The following DNMBP variants were observed in gnomAD, a reference collection of about 807,000 sequenced individuals.
DNMBP encodes the protein dynamin-binding protein.
In DNMBP, 87 loss-of-function variants were observed where a neutral mutation model predicts 150.0. The observed-to-expected ratio is 0.58, with a 90% CI of 0.49 to 0.69. The LOEUF (loss-of-function observed/expected upper bound fraction) is 0.69. Among genes scored for constraint, DNMBP ranks in the 30% least tolerant of loss-of-function variants. DNMBP has a pLI of 0.00. For synonymous variants in DNMBP, 711 were observed against 750.4 expected (o/e 0.95, Z 0.86); for missense variants, 1,774 against 1,949.0 (o/e 0.91, Z 1.69).
At chr10:99,991,680 G>A (rs1457335332) in intron 1 of DNMBP, among the ~76,000 whole-genome samples, 1 of 151,726 alleles carries the variant, frequency 6.6e-6, no homozygotes, top group East Asian at 2.0e-4. Context: ...GCCAAGGCAG[G>A]CGGATCACAA....
chr10:99,964,135 C>CTTTTTTTTTTTTTTTTTT (rs895801002), intron 3 of DNMBP, among the ~76,000 whole-genome samples: 1 of 87,236 alleles, frequency 1.1e-5, no homozygotes, highest in African/African-American at 4.9e-5. Flanking sequence ...TATTCTCTCT[C>CTTTTTTTTTTTTTTTTTT]TTTTTTTTTT....
intron 4 of DNMBP, among the ~76,000 whole-genome samples, chr10:99,920,880 A>G (rs2040015217): frequency 6.6e-6 from 1 of 152,014 alleles, no homozygotes; most frequent in Non-Finnish European, 1.5e-5. Flanking sequence ...GGGTCTCACT[A>G]TGTTGCTCAG....
chr10:99,877,245 T>C lies in DNMBP; in HGVS notation c.4640A>G (p.Asp1547Gly), dbSNP rs1442459752. The part of the protein sequence containing the change: ...NQKLKILEFK[D>G]VTGNTEWWLA... ...CCACCACTCTGTATTTCCTGTAACA[T>C]CTTTAAACTCGAGGATCTTGAGTTT... Residue 1547 changes from aspartate (D) to glycine (G), a missense_variant, in exon 17 of 17, where the codon GAT (aspartate) becomes GGT (glycine). Around this residue, in one of 2 missense-constraint regions of DNMBP, gnomAD observed 1,430 missense variants for 1,492.5 expected, o/e 0.96. Coordinates refer to ENST00000324109, the MANE Select transcript of DNMBP (RefSeq NM_015221.4). 6 of 1,613,950 alleles carry C rather than the reference T, an allele frequency of 3.7e-6. No homozygotes were observed. The highest frequency in any genetic ancestry group is 5.1e-6 in the Non-Finnish European group (6 of 1,179,990).
At chr10:100,000,015 G>A (rs769285105) in intron 1 of DNMBP, among the ~76,000 whole-genome samples, 1 of 152,164 alleles carries the variant, frequency 6.6e-6, no homozygotes, top group Non-Finnish European at 1.5e-5. Context: ...CCATTATGGT[G>A]TATTTGTGGC....
chr10:99,998,963 T>C (rs1189133908), intron 1 of DNMBP, among the ~76,000 whole-genome samples: 3 of 152,226 alleles, frequency 2.0e-5, no homozygotes, highest in Admixed American at 1.3e-4. Flanking sequence ...ATGAAAAGGA[T>C]TGAAAAGTCA....
At chr10:100,008,276 G>T (rs1454444075) in intron 1 of DNMBP, among the ~76,000 whole-genome samples, 2 of 152,192 alleles carry the variant, frequency 1.3e-5, no homozygotes, top group Non-Finnish European at 2.9e-5. Context: ...CGTTTATGAA[G>T]ATTATTATTA....
At chr10:99,911,724 A>T (rs1231858162) in intron 4 of DNMBP, among the ~76,000 whole-genome samples, 2 of 152,162 alleles carry the variant, frequency 1.3e-5, no homozygotes, top group Non-Finnish European at 2.9e-5. Flanking sequence ...AATAAAACTT[A>T]AGACATAACA....
chr10:99,925,180 T>C (rs1209128669), intron 4 of DNMBP, among the ~76,000 whole-genome samples: 1 of 152,204 alleles, frequency 6.6e-6, no homozygotes, highest in Non-Finnish European at 1.5e-5. Context: ...TTTTCTGATA[T>C]TCTAAATTCA....
At chr10:100,003,744 G>A (rs757028120) in intron 1 of DNMBP, among the ~76,000 whole-genome samples, 17 of 152,050 alleles carry the variant, frequency 1.1e-4, no homozygotes, top group Non-Finnish European at 1.8e-4. Context: ...AGCTGGGTGT[G>A]GTGGCTGCAG....
At chr10:99,898,865 G>T (rs1279085897) in intron 7 of DNMBP, 105 bp from the exon 8 acceptor site, 3 of 1,106,720 alleles carry the variant, frequency 2.7e-6, no homozygotes, top group South Asian at 1.3e-5. Context: ...AAAAAATTAT[G>T]AATGTTTATG....
At chr10:99,891,179 C>T (rs1590214580) in intron 11 of DNMBP, among the ~76,000 whole-genome samples, 1 of 149,198 alleles carries the variant, frequency 6.7e-6, no homozygotes, top group African/African-American at 2.5e-5. Flanking sequence ...TCTCCCTCCC[C>T]CTCTCCCTCT....
intron 12 of DNMBP, among the ~76,000 whole-genome samples, chr10:99,888,325 C>T (rs1352069061): frequency 6.6e-6 from 1 of 152,078 alleles, no homozygotes; most frequent in East Asian, 1.9e-4. Context: ...ATTCTCCAGC[C>T]TCGGCCTCCT....
chr10:99,970,970 T>TA (rs2040667189), intron 2 of DNMBP, among the ~76,000 whole-genome samples: 4 of 5,724 alleles, frequency 7.0e-4, no homozygotes, highest in South Asian at 4.7e-3. Context: ...AGACTCCGTC[T>TA]CAAAAAAAAA....
chr10:99,892,768 A>G (rs1299527345), intron 11 of DNMBP, among the ~76,000 whole-genome samples: 1 of 151,298 alleles, frequency 6.6e-6, no homozygotes, highest in Admixed American at 6.6e-5. Flanking sequence ...AAAATAAATT[A>G]AAAAAAAATA....
rs2039342076 is a variant in DNMBP, at chr10:99,880,113, C to T, written c.4246G>A (p.Gly1416Arg). The stretch of plus-strand genomic sequence containing the variant: ...GGATTTAGGGATGCACTGAGAGTTC[C>T]TTGGTCACATTCTTTTGGCGGAGGA... Reference protein sequence around the residue: ...ASPPPKECDQGTLSASLNPSN... With the variant: ...ASPPPKECDQRTLSASLNPSN... Residue 1416 changes from glycine to arginine, a missense_variant, in exon 16 of 17, where the codon GGA becomes AGA. Physicochemically the swap from Gly to Arg is moderately radical, Grantham distance 125. Transcript: ENST00000324109. 1 of 1,614,156 alleles carries T rather than the reference C, an allele frequency of 6.2e-7. No individual in the cohort carries two copies. The highest frequency in any genetic ancestry group is 8.5e-7 in the Non-Finnish European group (1 of 1,180,028).
intron 4 of DNMBP, among the ~76,000 whole-genome samples, chr10:99,911,741 GCT>G (rs1345384480): frequency 2.0e-5 from 3 of 152,160 alleles, no homozygotes; most frequent in Admixed American, 6.5e-5. Context: ...AACAGAAAAA[GCT>G]CTTTCTCGAA....
intron 4 of DNMBP, among the ~76,000 whole-genome samples, chr10:99,949,463 G>A (rs1285957807): frequency 6.6e-6 from 1 of 152,046 alleles, no homozygotes; most frequent in African/African-American, 2.4e-5. Context: ...TGCTCAAACT[G>A]GTTAATTTCC....
chr10:99,960,606 A>G (rs1589440167), intron 3 of DNMBP, among the ~76,000 whole-genome samples: 1 of 152,198 alleles, frequency 6.6e-6, no homozygotes, highest in African/African-American at 2.4e-5. Flanking sequence ...CAGGAGTTCA[A>G]GACTAGCCTG....
chr10:99,892,289 G>A (rs1270309099), intron 11 of DNMBP, among the ~76,000 whole-genome samples: 1 of 149,072 alleles, frequency 6.7e-6, no homozygotes, highest in Non-Finnish European at 1.5e-5. Context: ...GGGCCAGGAT[G>A]ACAATGGCGG....
Sources: gnomAD v4.1 joint callset for allele counts (sites outside exome capture counted in the v4.1 genomes callset) on GRCh38, gnomAD v4.1.1 for gene constraint, gnomAD v4.1.1 regional missense constraint, MANE v1.5 for transcripts, NCBI Gene and HGNC (gene_info 2026-07-23, HGNC 2026-07-21) for gene names.